Variants in PCSK5 observed in about 807,000 individuals in gnomAD.
PCSK5 encodes proprotein convertase subtilisin/kexin type 5.
In PCSK5, 129 loss-of-function variants were observed where a neutral mutation model predicts 233.2. The observed-to-expected ratio is 0.55, with a 90% CI of 0.48 to 0.64. The LOEUF is 0.64. PCSK5 is among the 30% of genes least tolerant of loss of function. PCSK5 has a pLI of 0.00. For missense variants in PCSK5, 2,076 were observed against 2,430.1 expected (o/e 0.85, Z 3.06); for synonymous variants, 825 against 879.2 (o/e 0.94, Z 1.09).
chr9:76,285,558 G>A (rs909503532), intron 24 of PCSK5, among the ~76,000 whole-genome samples: 2 of 152,130 alleles, frequency 1.3e-5, no homozygotes, highest in Admixed American at 6.5e-5. Flanking sequence ...AGTGGTAGGG[G>A]GGGAGTCTGG....
rs996757627 is a variant in PCSK5 at position 75,891,003 on chromosome 9, G to A, written c.-179G>A. 6.1e-6 allele frequency: 3 copies of A among 488,548 alleles called. No homozygotes were observed. The highest frequency in any genetic ancestry group is 6.9e-6 in the Non-Finnish European group (2 of 291,860). 30.3% of individuals were successfully genotyped at this position (488,548 alleles called of 1,614,324 possible). ...CCCCAGGGATGGTCTAGGAGCCGGCGTAAGGCTCGCTGCTCTGCTCCCTGC... is the reference window on the plus strand; with the variant it reads ...CCCCAGGGATGGTCTAGGAGCCGGCATAAGGCTCGCTGCTCTGCTCCCTGC... On this transcript the variant is annotated 5_prime_UTR_variant, in exon 1 of 38. Coordinates refer to ENST00000674117, the MANE Select transcript of PCSK5 (RefSeq NM_001372043.1).
chr9:76,297,735 G>A (rs1169879842), intron 27 of PCSK5, among the ~76,000 whole-genome samples: 1 of 152,170 alleles, frequency 6.6e-6, no homozygotes, highest in Non-Finnish European at 1.5e-5. Flanking sequence ...TTGTTAAAAG[G>A]GTCACTTCGG....
chr9:76,214,023 C>A (rs573401208), intron 20 of PCSK5, among the ~76,000 whole-genome samples: 1 of 152,240 alleles, frequency 6.6e-6, no homozygotes, highest in East Asian at 1.9e-4. Context: ...CCACGGAGAC[C>A]CCAGAATAAG....
intron 2 of PCSK5, among the ~76,000 whole-genome samples, chr9:75,954,632 T>C (rs1297390490): frequency 2.0e-5 from 3 of 152,096 alleles, no homozygotes; most frequent in African/African-American, 4.8e-5. Context: ...GTTAAGGAGA[T>C]TGAAGTGGGA....
intron 8 of PCSK5, among the ~76,000 whole-genome samples, chr9:76,098,130 A>G (rs1023743715): frequency 2.0e-5 from 3 of 152,306 alleles, no homozygotes; most frequent in Admixed American, 1.3e-4. Context: ...TGTTTCATTT[A>G]TCGGCTACTT....
rs1828776078 is a variant in PCSK5 at position 76,308,687 on chromosome 9, C to T, written c.3647C>T (p.Thr1216Ile). 1 of 1,610,756 alleles carries T rather than the reference C, an allele frequency of 6.2e-7. No individual in the cohort carries two copies. The highest frequency in any genetic ancestry group is 2.2e-5 in the East Asian group (1 of 44,872). Residue 1216 changes from threonine (T) to isoleucine (I), a missense_variant, in exon 29 of 38, where the codon ACC becomes ATC. Coordinates refer to ENST00000674117, the MANE Select transcript of PCSK5 (RefSeq NM_001372043.1). ...CAGCCTTGTCATTCTTCTTGTAAAA[C>T]CTGCAATGGATCTGCAACTCTGTGC... ...KLQPCHSSCKTCNGSATLCTS... is the reference protein window; with the variant it reads ...KLQPCHSSCKICNGSATLCTS...
At position 76,083,678 on chromosome 9, in the gene PCSK5, T is replaced by C. The variant is rs578207799; in HGVS notation, c.894+11780T>C. ...TTTCCCTTCCCATCATCAAATGCCT[T>C]TTCAATTCACCAGATTTAAAAACTG... is the stretch of plus-strand genomic sequence containing the variant. On this transcript the variant is annotated intron_variant, in intron 7 of 37. Transcript: ENST00000674117. 7.2e-5 allele frequency among the ~76,000 whole-genome samples: 11 copies of C among 152,354 alleles called. No individual in the cohort carries two copies. In the East Asian group the frequency reaches 2.1e-3, roughly 29 times the overall value.
intron 9 of PCSK5, among the ~76,000 whole-genome samples, chr9:76,113,842 C>T (rs756567780): frequency 6.6e-6 from 1 of 152,086 alleles, no homozygotes; most frequent in African/African-American, 2.4e-5. Context: ...CCACATTCAA[C>T]TCTATGAGAT....
chr9:75,894,314 T>C (rs1825724978), intron 1 of PCSK5, among the ~76,000 whole-genome samples: 1 of 152,192 alleles, frequency 6.6e-6, no homozygotes, highest in Non-Finnish European at 1.5e-5. Flanking sequence ...ATCTTAGCAT[T>C]TGAAAGTCAC....
chr9:76,329,801 C>A (rs1356344403), intron 33 of PCSK5, among the ~76,000 whole-genome samples: 4 of 152,002 alleles, frequency 2.6e-5, no homozygotes, highest in Non-Finnish European at 5.9e-5. Context: ...CCACTACACT[C>A]CAGCCTAGGC....
intron 4 of PCSK5, among the ~76,000 whole-genome samples, chr9:76,026,682 G>T (rs1828439142): frequency 6.6e-6 from 1 of 152,088 alleles, no homozygotes; most frequent in South Asian, 2.1e-4. Context: ...GTCATTCTAG[G>T]TATGAGGGGA....
At chr9:76,193,478 T>TTCTTTCTC (rs1824525313) in intron 20 of PCSK5, 1 of 716,822 alleles carries the variant, frequency 1.4e-6, no homozygotes, top group African/African-American at 1.8e-5. Context: ...TGCTCTCTTT[T>TTCTTTCTC]TCTTTCTCTC....
chr9:76,342,444 C>T (rs1479378662), intron 35 of PCSK5, among the ~76,000 whole-genome samples: 1 of 151,962 alleles, frequency 6.6e-6, no homozygotes, highest in Admixed American at 6.6e-5. Context: ...ATAGAAACAC[C>T]AAGAATTAGG....
intron 24 of PCSK5, among the ~76,000 whole-genome samples, chr9:76,268,752 G>A (rs1454255404): frequency 2.0e-5 from 3 of 152,178 alleles, no homozygotes; most frequent in Non-Finnish European, 4.4e-5. Flanking sequence ...GGCTGAGGAG[G>A]GAGGATCACT....
chr9:76,162,112 A>G (rs1197997861), intron 12 of PCSK5, among the ~76,000 whole-genome samples: 1 of 152,178 alleles, frequency 6.6e-6, no homozygotes, highest in Non-Finnish European at 1.5e-5. Flanking sequence ...TCATTTGTCT[A>G]CAAGCTCTGC....
In PCSK5 at chr9:76,181,528, T is replaced by C; in HGVS notation, c.2134T>C (p.Phe712Leu). Residue 712 changes from phenylalanine (F) to leucine (L), a missense_variant, in exon 16 of 38, where the codon TTT becomes CTT. Physicochemically the swap from Phe to Leu is conservative, Grantham distance 22 (BLOSUM62 0). This residue lies in a region of PCSK5 where 1,510 missense variants were observed against 1,538.1 expected (regional missense o/e 0.98). Transcript: ENST00000674117. The part of the protein sequence containing the change: ...DQCMSCKYGY[F>L]LNEETNSCVT... ...ATGCATGTCCTGCAAATATGGATACTTTCTGAATGAAGAAACCAACAGCTG... is the reference window on the plus strand; with the variant it reads ...ATGCATGTCCTGCAAATATGGATACCTTCTGAATGAAGAAACCAACAGCTG... 1.2e-6 allele frequency: 2 copies of C among 1,614,042 alleles called. No homozygotes were observed. Among genetic ancestry groups the C allele is most frequent in the Non-Finnish European group, 1.7e-6 (2 of 1,179,952 alleles).
chr9:75,934,773 G>T (rs1332390186), intron 2 of PCSK5, among the ~76,000 whole-genome samples: 9 of 151,862 alleles, frequency 5.9e-5, no homozygotes, highest in Admixed American at 5.9e-4. Flanking sequence ...GTAGAGATGG[G>T]GTTTCACCAT....
intron 24 of PCSK5, among the ~76,000 whole-genome samples, chr9:76,263,480 G>A (rs1285716153): frequency 6.6e-6 from 1 of 152,120 alleles, no homozygotes; most frequent in Non-Finnish European, 1.5e-5. Flanking sequence ...CCTTTGTAGG[G>A]ACATGGATGA....
chr9:76,117,897 A>G (rs1177176914), intron 9 of PCSK5, among the ~76,000 whole-genome samples: 3 of 152,112 alleles, frequency 2.0e-5, no homozygotes, highest in Admixed American at 1.3e-4. Context: ...CTCTCAGCAG[A>G]GTCTGCTTGT....
Sources: allele counts gnomAD v4.1 joint callset (sites outside exome capture counted in the v4.1 genomes callset), GRCh38; gene constraint gnomAD v4.1.1; regional missense constraint gnomAD v4.1.1; transcripts MANE v1.5; gene names NCBI Gene and HGNC (gene_info 2026-07-23, HGNC 2026-07-21).